The following GGNBP2 variants were observed in gnomAD, a reference collection of about 807,000 sequenced individuals.
GGNBP2 encodes gametogenetin binding protein 2.
GGNBP2 carries 10 observed loss-of-function variants against 85.9 expected under a neutral mutation model. The observed-to-expected ratio is 0.12, with a 90% confidence interval of 0.07 to 0.20. The LOEUF is 0.20. Among genes scored for constraint, GGNBP2 ranks in the 10% least tolerant of loss-of-function variants. The pLI is 1.00. For missense variants in GGNBP2, 595 were observed against 857.8 expected (o/e 0.69, Z 3.83); for synonymous variants, 287 against 285.7 (o/e 1.00, Z -0.05).
chr17:36,556,413 CAA>C (rs992024957), intron 3 of GGNBP2, among the ~76,000 whole-genome samples: 1 of 151,598 alleles, frequency 6.6e-6, no homozygotes, highest in South Asian at 2.1e-4. Flanking sequence ...CAAAACAAAA[CAA>C]AAAAAACAGG....
chr17:36,556,039 A>C (rs1423183928), intron 3 of GGNBP2, among the ~76,000 whole-genome samples: 3 of 152,220 alleles, frequency 2.0e-5, no homozygotes, highest in Non-Finnish European at 4.4e-5. Context: ...GGTAAATGTG[A>C]GAAAATGCTT....
intron 2 of GGNBP2, chr17:36,546,242 A>ATTTT (rs1473927023): frequency 2.2e-4 from 69 of 320,716 alleles, no homozygotes; most frequent in Non-Finnish European, 4.5e-5. Flanking sequence ...CTGTTTTAAT[A>ATTTT]CTGGTAGCTC....
intron 9 of GGNBP2, among the ~76,000 whole-genome samples, chr17:36,585,037 T>G (rs1363867581): frequency 6.6e-6 from 1 of 152,172 alleles, no homozygotes; most frequent in East Asian, 1.9e-4. Context: ...TCAGAGACAT[T>G]CATAAGTGAA....
intron 4 of GGNBP2, among the ~76,000 whole-genome samples, chr17:36,559,443 G>T (rs1388406757): frequency 6.6e-6 from 1 of 152,016 alleles, no homozygotes; most frequent in Admixed American, 6.6e-5. Context: ...ATTCAGAGAG[G>T]TCTGGGTTAG....
At chr17:36,574,915 C>T (rs2142756882) in intron 6 of GGNBP2, 3 of 957,132 alleles carry the variant, frequency 3.1e-6, no homozygotes, top group Non-Finnish European at 4.9e-6. Flanking sequence ...CCTTGGAGCA[C>T]TTAACACCCA....
chr17:36,579,513 C>A, intron 8 of GGNBP2, 94 bp downstream of exon 8: 1 of 1,048,824 alleles, frequency 9.5e-7, no homozygotes, highest in South Asian at 1.5e-5. Flanking sequence ...AAAGGACTGT[C>A]CATCACTGAT....
At chr17:36,581,611 G>A in intron 9 of GGNBP2, 73 bp downstream of exon 9, 1 of 1,162,040 alleles carries the variant, frequency 8.6e-7, no homozygotes. Context: ...CAGGTGTGGT[G>A]GCTCACGCCT....
chr17:36,560,941 GAAAT>G (rs1206249173), intron 5 of GGNBP2, 70 bp downstream of exon 5: 7 of 817,704 alleles, frequency 8.6e-6, no homozygotes, highest in African/African-American at 3.5e-5. Flanking sequence ...TTTAGTAAAA[GAAAT>G]AAACCCACTG....
intron 6 of GGNBP2, among the ~76,000 whole-genome samples, chr17:36,568,805 G>C (rs2074494129): frequency 6.6e-6 from 1 of 151,800 alleles, no homozygotes; most frequent in Non-Finnish European, 1.5e-5. Flanking sequence ...TGCCAGGCTG[G>C]AATGCGCTGG....
chr17:36,566,907 T>TG lies in GGNBP2; in HGVS notation c.528-755dup, dbSNP rs148345329. Among the ~76,000 whole-genome samples the TG allele has an allele frequency of 3.9e-3, 591 of 152,170 alleles. 8 individuals carry two copies. Among genetic ancestry groups the TG allele is most frequent in the African/African-American group, 0.013 (556 of 41,512 alleles). ...TGAGCTGAGCATGGTGGCTCACACC[T>TG]GTAATCCCAGTGCTTTGGGAGGCTG... On this transcript the variant is annotated intron_variant, in intron 5 of 13. Coordinates refer to ENST00000613102, the MANE Select transcript of GGNBP2 (RefSeq NM_024835.5).
chr17:36,568,444 A>G (rs1338406680), intron 6 of GGNBP2, among the ~76,000 whole-genome samples: 1 of 152,008 alleles, frequency 6.6e-6, no homozygotes, highest in African/African-American at 2.4e-5. Flanking sequence ...CTACAGGCGC[A>G]TGCCACCACG....
At chr17:36,558,746 G>A (rs1041504544) in intron 4 of GGNBP2, among the ~76,000 whole-genome samples, 1 of 145,408 alleles carries the variant, frequency 6.9e-6, no homozygotes, top group African/African-American at 2.5e-5. Flanking sequence ...GTGAGCCACC[G>A]TGCCTGGCTG....
chr17:36,567,931 C>CT (rs373695854), intron 6 of GGNBP2, among the ~76,000 whole-genome samples, 155 bp downstream of exon 6: 13,436 of 143,434 alleles, frequency 0.094, 639 homozygotes, highest in South Asian at 0.11. Context: ...TAGGCAGTTC[C>CT]TTTTTTTTTT....
intron 2 of GGNBP2, among the ~76,000 whole-genome samples, chr17:36,554,204 G>A (rs1261017103): frequency 2.0e-5 from 3 of 150,214 alleles, no homozygotes; most frequent in East Asian, 2.0e-4. Context: ...AGCTACTCGC[G>A]AGGCTGAGGC....
intron 5 of GGNBP2, among the ~76,000 whole-genome samples, chr17:36,563,789 G>T (rs1384929532): frequency 3.3e-5 from 5 of 150,590 alleles, no homozygotes; most frequent in African/African-American, 9.8e-5. Flanking sequence ...TGTCACCCGG[G>T]CTAGAGTGCA....
chr17:36,577,897 G>T, intron 6 of GGNBP2, 86 bp from the exon 7 acceptor site: 1 of 976,288 alleles, frequency 1.0e-6, no homozygotes, highest in East Asian at 2.4e-5. Context: ...AGATGGGAGA[G>T]AGTGCCATCA....
At position 36,567,705 on chromosome 17, in the gene GGNBP2, C is replaced by T; in HGVS notation, c.570C>T (p.Cys190=). ...TATGGGAACTAATGTCGCAGGAATG[C>T]AGGGATGAAGTAGTTTTAATTGACT... ...MDVWELMSQE[C]RDEVVLIDSS... The change falls in exon 6 of 14, where the codon TGC becomes TGT. Residue 190 remains cysteine (C), a synonymous_variant. Transcript: ENST00000613102. The T allele has an allele frequency of 6.2e-7, 1 of 1,608,166 alleles. No individual in the cohort carries two copies. The highest frequency in any genetic ancestry group is 8.5e-7 in the Non-Finnish European group (1 of 1,175,256).
Position 36,545,674 on chromosome 17 carries a change from G to A in GGNBP2, c.-51G>A, listed in dbSNP as rs2074245291. 2 of 1,395,246 alleles carry A rather than the reference G, an allele frequency of 1.4e-6. No individual in the cohort carries two copies. Among genetic ancestry groups the A allele is most frequent in the East Asian group, 2.5e-5 (1 of 39,924 alleles). 86.4% of individuals were successfully genotyped at this position (1,395,246 alleles called of 1,614,324 possible). A position where few individuals can be genotyped will look rare whatever the true frequency, so the allele number is the denominator to read the frequency against. ...CGGCAGAAACAGCAGCGGCGGCGGCGGCGGCAGCTGGGAGGAGGTGGTGAC... is the reference window on the plus strand; with the variant it reads ...CGGCAGAAACAGCAGCGGCGGCGGCAGCGGCAGCTGGGAGGAGGTGGTGAC... On this transcript the variant is annotated 5_prime_UTR_variant, in exon 2 of 14. Coordinates refer to ENST00000613102, the MANE Select transcript of GGNBP2 (RefSeq NM_024835.5).
intron 4 of GGNBP2, among the ~76,000 whole-genome samples, chr17:36,558,745 C>T (rs546164445): frequency 8.1e-4 from 119 of 147,380 alleles, no homozygotes; most frequent in Non-Finnish European, 1.2e-3. Context: ...CGTGAGCCAC[C>T]GTGCCTGGCT....
Sources: allele counts gnomAD v4.1 joint callset (sites outside exome capture counted in the v4.1 genomes callset), GRCh38; gene constraint gnomAD v4.1.1; transcripts MANE v1.5; gene names NCBI Gene and HGNC (gene_info 2026-07-23, HGNC 2026-07-21).